The following AKAP13 variants were observed in gnomAD, a reference collection of about 807,000 sequenced individuals.
AKAP13 encodes the protein A-kinase anchor protein 13.
A neutral mutation model predicts 264.5 loss-of-function variants in AKAP13; 80 were observed. That is an observed-to-expected ratio of 0.30 (90% CI 0.25 to 0.36). AKAP13 has a LOEUF of 0.36. AKAP13 is among the 10% of genes least tolerant of loss of function. The pLI, the probability that AKAP13 is intolerant of heterozygous loss-of-function variation, is 1.00. For synonymous variants in AKAP13, 1,380 were observed against 1,250.2 expected, an observed-to-expected ratio of 1.10 and a Z score of -2.19; for missense variants, 3,712 against 3,435.2, an observed-to-expected ratio of 1.08 and a Z score of -2.01.
chr15:85,735,239 C>A, intron 31 of AKAP13, 89 bp downstream of exon 31: 1 of 1,504,848 alleles, frequency 6.6e-7, no homozygotes, highest in Non-Finnish European at 8.9e-7. Flanking sequence ...AGCTACATCA[C>A]CGCTCCCAAT....
intron 7 of AKAP13, among the ~76,000 whole-genome samples, chr15:85,584,772 T>C (rs2079270624): frequency 6.6e-6 from 1 of 152,240 alleles, no homozygotes; most frequent in Admixed American, 6.5e-5. Context: ...ACTTCTGTGC[T>C]CTTTAGTGTG....
intron 1 of AKAP13, among the ~76,000 whole-genome samples, chr15:85,454,272 A>G (rs895181316): frequency 3.3e-5 from 5 of 152,216 alleles, no homozygotes; most frequent in African/African-American, 4.8e-5. Context: ...CCAAGACTCC[A>G]CATGGCTCTG....
At position 85,722,114 on chromosome 15, in the gene AKAP13, A is replaced by C; in HGVS notation, c.6376A>C (p.Lys2126Gln). The change falls in exon 24 of 37, where the codon AAG becomes CAG. Residue 2126 changes from lysine to glutamine, a missense_variant and splice_region_variant. Physicochemically the swap from Lys to Gln is moderately conservative, Grantham distance 53. Around this residue, in one of 3 missense-constraint regions of AKAP13, gnomAD observed 342 missense variants for 484.3 expected, o/e 0.71. Coordinates refer to ENST00000394518, the MANE Select transcript of AKAP13 (RefSeq NM_007200.5). ...GGATAAGCGTTTTCAAGCCTTTGTAAAGGTATTGATAAGAAACATGAAAAT... is the reference window on the plus strand; with the variant it reads ...GGATAAGCGTTTTCAAGCCTTTGTACAGGTATTGATAAGAAACATGAAAAT... ...AKDKRFQAFVKKKMSSSVVRR... is the reference protein window; with the variant it reads ...AKDKRFQAFVQKKMSSSVVRR... 1.2e-6 allele frequency: 2 copies of C among 1,613,944 alleles called. No individual in the cohort carries two copies. The highest frequency in any genetic ancestry group is 1.7e-6 in the Non-Finnish European group (2 of 1,179,916).
intron 34 of AKAP13, chr15:85,740,495 C>A (rs1402934395): frequency 5.6e-6 from 3 of 534,826 alleles, no homozygotes; most frequent in South Asian, 2.8e-5. Flanking sequence ...GGCTTGATAA[C>A]CATGCTACAA....
At chr15:85,723,389 T>G in intron 26 of AKAP13, 69 bp downstream of exon 26, 1 of 1,570,636 alleles carries the variant, frequency 6.4e-7, no homozygotes, top group South Asian at 1.2e-5. Flanking sequence ...GTGCTTTTGT[T>G]GGAAATTCAC....
At chr15:85,459,430 C>G (rs777869436) in intron 1 of AKAP13, among the ~76,000 whole-genome samples, 1 of 150,418 alleles carries the variant, frequency 6.6e-6, no homozygotes, top group Non-Finnish European at 1.5e-5. Flanking sequence ...AATGCCTCAC[C>G]TCAAGTGATC....
At chr15:85,487,480 T>A (rs2075591094) in intron 2 of AKAP13, among the ~76,000 whole-genome samples, 1 of 152,238 alleles carries the variant, frequency 6.6e-6, no homozygotes, top group Non-Finnish European at 1.5e-5. Flanking sequence ...ATGTTGGATT[T>A]TGTCAGGTGA....
At chr15:85,662,495 T>A in intron 12 of AKAP13, 1 of 1,611,374 alleles carries the variant, frequency 6.2e-7, no homozygotes, top group Non-Finnish European at 8.5e-7. Flanking sequence ...TGGGGAACCA[T>A]AAAATACGCC....
At chr15:85,528,419 G>A (rs1445540230) in intron 3 of AKAP13, among the ~76,000 whole-genome samples, 1 of 152,100 alleles carries the variant, frequency 6.6e-6, no homozygotes, top group East Asian at 1.9e-4. Flanking sequence ...TTAGGGATCT[G>A]TTTTCCTTGA....
chr15:85,401,852 G>A (rs1322721464), intron 1 of AKAP13, among the ~76,000 whole-genome samples: 1 of 152,140 alleles, frequency 6.6e-6, no homozygotes, highest in Non-Finnish European at 1.5e-5. Context: ...AAAATAATAA[G>A]AGAATGAGTA....
rs1168021950 is a variant in AKAP13 at position 85,611,766 on chromosome 15, G to C, written c.4161+25943G>C. On this transcript the variant is annotated intron_variant, in intron 8 of 36. Transcript: ENST00000394518. ...CAAGTAACATGTTCAGCTGGGGCTG[G>C]CCTCATCCTTTGTCTCTGTGCTCTT... Among the ~76,000 whole-genome samples the C allele has an allele frequency of 5.6e-4, 85 of 152,248 alleles. 1 individual carries two copies. The highest frequency in any genetic ancestry group is 5.5e-3 in the Admixed American group (84 of 15,292).
intron 20 of AKAP13, among the ~76,000 whole-genome samples, chr15:85,716,814 T>C (rs1359242176): frequency 6.6e-6 from 1 of 152,224 alleles, no homozygotes; most frequent in Non-Finnish European, 1.5e-5. Flanking sequence ...AGTTGGTCTT[T>C]AAAGTGTTCT....
At chr15:85,594,218 G>C (rs113084884) in intron 8 of AKAP13, among the ~76,000 whole-genome samples, 9 of 152,104 alleles carry the variant, frequency 5.9e-5, no homozygotes, top group African/African-American at 2.2e-4. Context: ...TACTGCAAGG[G>C]TGTACTAATT....
rs1400793781 is a variant in AKAP13, at chr15:85,586,246, A to C, written c.4161+423A>C. Among the ~76,000 whole-genome samples, 5 of 145,120 alleles carry C rather than the reference A, an allele frequency of 3.4e-5. No homozygotes were observed. The Admixed American group carries it at 3.5e-4, about 10-fold the overall frequency. On this transcript the variant is annotated intron_variant, in intron 8 of 36. Transcript: ENST00000394518. ...GCTCTTGTCACCCAGGCTGGAGTGC[A>C]GTGGTGTGATTTCAGCTCACTGCAA...
chr15:85,507,114 A>C (rs184371261), intron 2 of AKAP13, among the ~76,000 whole-genome samples: 1 of 151,972 alleles, frequency 6.6e-6, no homozygotes, highest in Non-Finnish European at 1.5e-5. Context: ...AAATGTTTCT[A>C]TTTATAGCAC....
chr15:85,411,519 G>C (rs1474094059), intron 1 of AKAP13, among the ~76,000 whole-genome samples: 1 of 152,008 alleles, frequency 6.6e-6, no homozygotes, highest in Non-Finnish European at 1.5e-5. Context: ...CTCACTGCAA[G>C]CTCCGCTTCC....
chr15:85,561,004 C>G (rs2078350827), intron 5 of AKAP13, among the ~76,000 whole-genome samples: 1 of 150,202 alleles, frequency 6.7e-6, no homozygotes, highest in Admixed American at 6.6e-5. Flanking sequence ...AGGACCACCT[C>G]TAGAGATTTT....
At chr15:85,575,859 G>A (rs914495954) in intron 6 of AKAP13, among the ~76,000 whole-genome samples, 7 of 152,294 alleles carry the variant, frequency 4.6e-5, no homozygotes, top group Non-Finnish European at 8.8e-5. Flanking sequence ...GGTGGCGTAC[G>A]CCTATAGTCC....
chr15:85,489,020 T>C (rs1008277743), intron 2 of AKAP13, among the ~76,000 whole-genome samples: 1 of 152,232 alleles, frequency 6.6e-6, no homozygotes, highest in Admixed American at 6.5e-5. Flanking sequence ...AACTCTCTGA[T>C]CTTGCCATCA....
Sources: gnomAD v4.1 joint callset for allele counts (sites outside exome capture counted in the v4.1 genomes callset) on GRCh38, gnomAD v4.1.1 for gene constraint, gnomAD v4.1.1 regional missense constraint, MANE v1.5 for transcripts, NCBI Gene and HGNC (gene_info 2026-07-23, HGNC 2026-07-21) for gene names.